DACH1: variants seen among roughly 807,000 people sequenced by gnomAD.
DACH1 encodes dachshund family transcription factor 1.
Under a neutral mutation model 54.2 loss-of-function variants are expected in DACH1, and 12 were observed. The ratio of observed to expected loss-of-function variants is 0.22; its 90% CI spans 0.14 to 0.36. The LOEUF is 0.36. Ranked by LOEUF, DACH1 falls within the 10% of genes least tolerant of loss-of-function variation. The pLI, the probability that DACH1 is intolerant of heterozygous loss-of-function variation, is 1.00. For missense variants in DACH1, 805 were observed against 929.8 expected (o/e 0.87, Z 1.75); for synonymous variants, 386 against 366.2 (o/e 1.05, Z -0.62).
At chr13:71,745,945 C>T (rs531540552) in intron 1 of DACH1, among the ~76,000 whole-genome samples, 1 of 152,248 alleles carries the variant, frequency 6.6e-6, no homozygotes, top group South Asian at 2.1e-4. Flanking sequence ...TGCGGCCGGG[C>T]GCGGTGACCC....
At chr13:71,775,127 C>CTTTTTTTTTTTTT (rs767902341) in intron 1 of DACH1, among the ~76,000 whole-genome samples, 7 of 54,028 alleles carry the variant, frequency 1.3e-4, no homozygotes, top group African/African-American at 2.3e-4. Context: ...TCAACACAAG[C>CTTTTTTTTTTTTT]TTTTTTTTTT....
At chr13:71,579,234 C>T (rs1885716801) in intron 3 of DACH1, among the ~76,000 whole-genome samples, 1 of 152,016 alleles carries the variant, frequency 6.6e-6, no homozygotes, top group East Asian at 1.9e-4. Context: ...TGTTCTTGGA[C>T]TCATCAAAAC....
At chr13:71,560,101 A>T (rs1884494808) in intron 4 of DACH1, 146 bp from the exon 5 acceptor site, 6 of 962,956 alleles carry the variant, frequency 6.2e-6, no homozygotes, top group Non-Finnish European at 8.6e-6. Context: ...GTACTAAAAG[A>T]TATGTTTATC....
chr13:71,575,153 A>G (rs1039873692), intron 3 of DACH1, among the ~76,000 whole-genome samples: 2 of 152,014 alleles, frequency 1.3e-5, no homozygotes, highest in Non-Finnish European at 2.9e-5. Flanking sequence ...TTTACCTTGT[A>G]TGTTATCAGT....
intron 6 of DACH1, among the ~76,000 whole-genome samples, chr13:71,506,017 T>C (rs1880288609): frequency 6.6e-6 from 1 of 152,110 alleles, no homozygotes; most frequent in Non-Finnish European, 1.5e-5. Context: ...GATTAAAAAC[T>C]ATACTGTTAT....
chr13:71,754,981 C>A (rs1168188423), intron 1 of DACH1, among the ~76,000 whole-genome samples: 1 of 152,118 alleles, frequency 6.6e-6, no homozygotes, highest in Non-Finnish European at 1.5e-5. Context: ...TCATCATAAA[C>A]TACTTTATCT....
At chr13:71,577,914 C>G (rs1393555010) in intron 3 of DACH1, among the ~76,000 whole-genome samples, 1 of 152,092 alleles carries the variant, frequency 6.6e-6, no homozygotes, top group African/African-American at 2.4e-5. Flanking sequence ...TATACATATT[C>G]ATGTATTTGT....
At chr13:71,681,730 T>C in intron 2 of DACH1, 65 bp downstream of exon 2, 1 of 1,119,030 alleles carries the variant, frequency 8.9e-7, no homozygotes, top group Non-Finnish European at 1.3e-6. Flanking sequence ...ACCACAGATA[T>C]ATATAAAAGC....
chr13:71,645,123 G>A (rs1290680605), intron 2 of DACH1, among the ~76,000 whole-genome samples: 1 of 152,120 alleles, frequency 6.6e-6, no homozygotes, highest in Admixed American at 6.5e-5. Flanking sequence ...TAGAATCAAC[G>A]AGCAGGTTTG....
Position 71,621,636 on chromosome 13 carries a change from T to C in DACH1, c.1126+8920A>G, listed in dbSNP as rs371650983. 1.1e-4 allele frequency among the ~76,000 whole-genome samples: 17 copies of C among 152,216 alleles called. No homozygotes were observed. In the East Asian group the frequency reaches 1.7e-3, roughly 16 times the overall value. On this transcript the variant is annotated intron_variant, in intron 3 of 10. Coordinates refer to ENST00000613252, the MANE Select transcript of DACH1 (RefSeq NM_080759.6). ...AAAATCATTTACCACTCAGTTCTGC[T>C]TTTGAGATAAAGATGTAATAATGCC...
chr13:71,639,882 T>C (rs1416777455), intron 2 of DACH1, among the ~76,000 whole-genome samples: 1 of 152,080 alleles, frequency 6.6e-6, no homozygotes, highest in East Asian at 1.9e-4. Flanking sequence ...TATGAGGTCT[T>C]AAATATGTAA....
intron 1 of DACH1, among the ~76,000 whole-genome samples, chr13:71,725,127 A>T (rs1011378412): frequency 5.3e-5 from 8 of 152,200 alleles, no homozygotes; most frequent in Non-Finnish European, 1.0e-4. Context: ...ACATAAAATT[A>T]GTACAACAAA....
At chr13:71,841,660 G>C (rs1872862743) in intron 1 of DACH1, among the ~76,000 whole-genome samples, 1 of 152,274 alleles carries the variant, frequency 6.6e-6, no homozygotes, top group African/African-American at 2.4e-5. Flanking sequence ...TGTGACACTA[G>C]AGATAAACAA....
chr13:71,830,954 G>A (rs571313896), intron 1 of DACH1, among the ~76,000 whole-genome samples: 1 of 151,938 alleles, frequency 6.6e-6, no homozygotes, highest in South Asian at 2.1e-4. Flanking sequence ...TGGTTCCAGA[G>A]GAACAAACTG....
At chr13:71,855,958 A>G (rs950611243) in intron 1 of DACH1, among the ~76,000 whole-genome samples, 1 of 151,990 alleles carries the variant, frequency 6.6e-6, no homozygotes, top group African/African-American at 2.4e-5. Flanking sequence ...TAAATCTAGG[A>G]TATATACATA....
chr13:71,845,744 T>C (rs930893344), intron 1 of DACH1, among the ~76,000 whole-genome samples: 3 of 152,206 alleles, frequency 2.0e-5, no homozygotes, highest in Non-Finnish European at 4.4e-5. Context: ...TAATCCAGTA[T>C]CCTTATGTAT....
chr13:71,551,978 T>C (rs1883844684), intron 6 of DACH1, among the ~76,000 whole-genome samples: 1 of 152,034 alleles, frequency 6.6e-6, no homozygotes, highest in African/African-American at 2.4e-5. Context: ...AAAGAAGGGC[T>C]TTATGGCCTG....
chr13:71,607,521 G>T (rs1442075328), intron 3 of DACH1, among the ~76,000 whole-genome samples: 1 of 151,988 alleles, frequency 6.6e-6, no homozygotes, highest in Admixed American at 6.6e-5. Context: ...GACTTTCAAA[G>T]CCAAGTGTAC....
intron 1 of DACH1, among the ~76,000 whole-genome samples, chr13:71,842,457 A>G (rs1335407341): frequency 1.3e-5 from 2 of 151,982 alleles, no homozygotes; most frequent in African/African-American, 4.8e-5. Flanking sequence ...GTACATCTGC[A>G]GTCCCAGCTA....
Sources: gnomAD v4.1 joint callset for allele counts (sites outside exome capture counted in the v4.1 genomes callset) on GRCh38, gnomAD v4.1.1 for gene constraint, MANE v1.5 for transcripts, NCBI Gene and HGNC (gene_info 2026-07-23, HGNC 2026-07-21) for gene names.